The following PXDNL variants were observed in gnomAD, a reference collection of about 807,000 sequenced individuals.
The protein encoded by PXDNL is probable oxidoreductase PXDNL.
Under a neutral mutation model 150.8 loss-of-function variants are expected in PXDNL, and 145 were observed. The observed-to-expected ratio is 0.96, with a 90% CI of 0.84 to 1.10. The LOEUF is 1.10. PXDNL is among the 50% of genes least tolerant of loss of function. PXDNL has a pLI of 0.00. For missense variants in PXDNL, 2,087 were observed against 1,873.9 expected (o/e 1.11, Z -2.10); for synonymous variants, 757 against 725.7 (o/e 1.04, Z -0.69).
intron 4 of PXDNL, among the ~76,000 whole-genome samples, chr8:51,545,758 G>A (rs1324775395): frequency 1.3e-5 from 2 of 152,144 alleles, no homozygotes; most frequent in Admixed American, 1.3e-4. Flanking sequence ...TATTCATGAG[G>A]GCACGGTCTT....
At chr8:51,574,750 G>C (rs1649969506) in intron 3 of PXDNL, among the ~76,000 whole-genome samples, 1 of 151,960 alleles carries the variant, frequency 6.6e-6, no homozygotes, top group South Asian at 2.1e-4. Context: ...AAAAGGAATT[G>C]GTACATTTTT....
intron 14 of PXDNL, among the ~76,000 whole-genome samples, chr8:51,419,707 G>C (rs73579697): frequency 0.038 from 5,771 of 152,202 alleles, 342 homozygotes; most frequent in African/African-American, 0.13. Flanking sequence ...ATAATATAGG[G>C]AGTGTTACAG....
intron 3 of PXDNL, among the ~76,000 whole-genome samples, chr8:51,591,645 G>A (rs1813445896): frequency 6.6e-6 from 1 of 151,126 alleles, no homozygotes; most frequent in Non-Finnish European, 1.5e-5. Flanking sequence ...TTGAGACAGA[G>A]TCTCACTTTG....
chr8:51,436,823 A>T (rs1372792887), intron 12 of PXDNL, among the ~76,000 whole-genome samples: 1 of 152,178 alleles, frequency 6.6e-6, no homozygotes, highest in African/African-American at 2.4e-5. Context: ...CAAACCAAAT[A>T]TAAACCCAGC....
chr8:51,675,930 A>T (rs1218219374), intron 1 of PXDNL, among the ~76,000 whole-genome samples: 3 of 152,212 alleles, frequency 2.0e-5, no homozygotes. Flanking sequence ...TCTAAAAGTC[A>T]CGTATATAGA....
chr8:51,411,661 T>C (rs1369686656), intron 15 of PXDNL, among the ~76,000 whole-genome samples: 1 of 152,182 alleles, frequency 6.6e-6, no homozygotes, highest in African/African-American at 2.4e-5. Context: ...ACAATAGTTT[T>C]AGGAAACAAC....
chr8:51,551,598 T>C (rs940114208), intron 4 of PXDNL, among the ~76,000 whole-genome samples: 10 of 152,108 alleles, frequency 6.6e-5, no homozygotes, highest in Non-Finnish European at 1.3e-4. Context: ...ATTTAACAAA[T>C]GGTGTTGGGA....
intron 19 of PXDNL, among the ~76,000 whole-genome samples, chr8:51,348,516 G>A (rs1457793392): frequency 6.6e-6 from 1 of 152,134 alleles, no homozygotes; most frequent in African/African-American, 2.4e-5. Flanking sequence ...AAGAAGCAGA[G>A]TATTCTTGAT....
rs568022296 is a variant in PXDNL, at chr8:51,583,326, G to A, written c.308+9301C>T. 2.6e-5 allele frequency among the ~76,000 whole-genome samples: 4 copies of A among 152,252 alleles called. No individual in the cohort carries two copies. The East Asian group carries it at 7.7e-4, about 29-fold the overall frequency. ...GTGGTGGAAGGCAAAGGGGGACCCAGCATCACATATGGAGAAAGGAAGCAA... is the reference window on the plus strand; with the variant it reads ...GTGGTGGAAGGCAAAGGGGGACCCAACATCACATATGGAGAAAGGAAGCAA... On this transcript the variant is annotated intron_variant, in intron 3 of 22. Coordinates refer to ENST00000356297, the MANE Select transcript of PXDNL (RefSeq NM_144651.5).
intron 19 of PXDNL, among the ~76,000 whole-genome samples, chr8:51,367,817 A>G (rs1225728479): frequency 6.6e-6 from 1 of 152,226 alleles, no homozygotes; most frequent in Non-Finnish European, 1.5e-5. Context: ...AGAAACTGAA[A>G]TTCATGGGTT....
At chr8:51,419,093 T>A (rs543627795) in intron 14 of PXDNL, among the ~76,000 whole-genome samples, 1 of 152,280 alleles carries the variant, frequency 6.6e-6, no homozygotes, top group Admixed American at 6.5e-5. Flanking sequence ...GATTCGAATA[T>A]GTTCAAAATC....
intron 2 of PXDNL, among the ~76,000 whole-genome samples, chr8:51,601,468 T>G (rs1328008468): frequency 6.6e-6 from 1 of 152,098 alleles, no homozygotes; most frequent in East Asian, 1.9e-4. Flanking sequence ...TTGGTCATTA[T>G]GTAATGCCCT....
intron 12 of PXDNL, chr8:51,436,010 A>G: frequency 1.9e-6 from 1 of 528,942 alleles, no homozygotes; most frequent in South Asian, 1.4e-5. Flanking sequence ...AATTCACCTC[A>G]TGGACCATCT....
intron 4 of PXDNL, among the ~76,000 whole-genome samples, chr8:51,527,386 C>G (rs1811790658): frequency 6.6e-6 from 1 of 152,128 alleles, no homozygotes; most frequent in African/African-American, 2.4e-5. Context: ...GCCTTCTACC[C>G]TCAAATTCCA....
chr8:51,429,307 C>G (rs1809191893), intron 12 of PXDNL, among the ~76,000 whole-genome samples: 1 of 152,154 alleles, frequency 6.6e-6, no homozygotes, highest in South Asian at 2.1e-4. Context: ...TGGCCGGGTG[C>G]AGTGGCTCAT....
chr8:51,744,028 GGGAAGGAAGGAAGGAAGGAAGGAAGGAA>G (rs1256286465), intron 1 of PXDNL, among the ~76,000 whole-genome samples: 102 of 63,272 alleles, frequency 1.6e-3, no homozygotes, highest in African/African-American at 5.2e-3. Context: ...AAGAAGAAGA[GGGAAGGAAGGAAGGAAGGAAGGAAGGAA>G]GGAAGGAAGG....
intron 4 of PXDNL, among the ~76,000 whole-genome samples, chr8:51,515,864 T>C (rs1811523528): frequency 1.3e-5 from 2 of 152,224 alleles, no homozygotes; most frequent in Admixed American, 1.3e-4. Flanking sequence ...CTATTAGTTT[T>C]TTCCTCTTTC....
At chr8:51,749,974 A>G (rs2130973660) in intron 1 of PXDNL, among the ~76,000 whole-genome samples, 1 of 152,328 alleles carries the variant, frequency 6.6e-6, no homozygotes. Flanking sequence ...TGCTAAGATT[A>G]CAGGCGTGAG....
chr8:51,706,170 GC>G (rs1816374862), intron 1 of PXDNL, among the ~76,000 whole-genome samples: 1 of 152,112 alleles, frequency 6.6e-6, no homozygotes. Context: ...TATTAGGTGG[GC>G]TTGGTGGAGG....
Sources: gnomAD v4.1 joint callset for allele counts (sites outside exome capture counted in the v4.1 genomes callset) on GRCh38, gnomAD v4.1.1 for gene constraint, MANE v1.5 for transcripts, NCBI Gene and HGNC (gene_info 2026-07-23, HGNC 2026-07-21) for gene names.